The following LGR6 variants were observed in gnomAD, a reference collection of about 807,000 sequenced individuals.
The protein encoded by LGR6 is leucine rich repeat containing G protein-coupled receptor 6, also known as leucine-rich repeat-containing G protein-coupled receptor 6.
LGR6 carries 45 observed loss-of-function variants against 69.4 expected under a neutral mutation model. The observed-to-expected ratio is 0.65, with a 90% CI of 0.51 to 0.83. The LOEUF (loss-of-function observed/expected upper bound fraction) is 0.83, where lower values mean the gene tolerates loss of function less well. Among genes scored for constraint, LGR6 ranks in the 40% least tolerant of loss-of-function variants. The pLI is 0.00. For missense variants in LGR6, 1,108 were observed against 1,246.7 expected, an observed-to-expected ratio of 0.89 and a Z score of 1.68; for synonymous variants, 538 against 555.0, an observed-to-expected ratio of 0.97 and a Z score of 0.43.
At chr1:202,252,786 T>C (rs1663379004) in intron 4 of LGR6, among the ~76,000 whole-genome samples, 1 of 152,234 alleles carries the variant, frequency 6.6e-6, no homozygotes, top group African/African-American at 2.4e-5. Context: ...ATGGGTATGC[T>C]TCCTGTCTCC....
At chr1:202,294,681 G>C (rs1444396493) in intron 6 of LGR6, among the ~76,000 whole-genome samples, 2 of 152,204 alleles carry the variant, frequency 1.3e-5, no homozygotes, top group African/African-American at 4.8e-5. Flanking sequence ...CATGTGATTA[G>C]GGACCAAGTC....
Position 202,318,755 on chromosome 1 carries a change from CT to C in LGR6, c.2453del (p.Leu818ArgfsTer34), listed in dbSNP as rs1654383587. 1.9e-6 allele frequency: 3 copies of C among 1,613,306 alleles called. No homozygotes were observed. Among genetic ancestry groups the C allele is most frequent in the Admixed American group, 1.7e-5 (1 of 60,012 alleles). ...VKSVLLVVLP[L>X]PACLNPLLYL... ...GTCTGTCCTGCTGGTGGTGCTGCCC[CT>C]GCCTGCCTGCCTCAACCCACTGCTG... is the stretch of plus-strand genomic sequence containing the variant. On this transcript the variant is annotated frameshift_variant, in exon 18 of 18. Transcript: ENST00000367278. LOFTEE classifies it low-confidence loss of function (END_TRUNC).
chr1:202,221,821 T>C (rs968250868), intron 1 of LGR6, among the ~76,000 whole-genome samples: 1 of 152,218 alleles, frequency 6.6e-6, no homozygotes, highest in Non-Finnish European at 1.5e-5. Context: ...CACCCAAGGA[T>C]CAAGGTGTCC....
At chr1:202,197,616 TAA>T (rs35461426) in intron 1 of LGR6, among the ~76,000 whole-genome samples, 1 of 144,670 alleles carries the variant, frequency 6.9e-6, no homozygotes, top group Admixed American at 6.9e-5. Context: ...TCTTTCTTCT[TAA>T]AAAAAAAAAA....
At chr1:202,257,403 A>G (rs932049336) in intron 4 of LGR6, among the ~76,000 whole-genome samples, 13 of 152,168 alleles carry the variant, frequency 8.5e-5, no homozygotes, top group Admixed American at 6.5e-4. Context: ...ATATATGCCT[A>G]TGTTGTCTTA....
intron 17 of LGR6, among the ~76,000 whole-genome samples, chr1:202,315,205 C>T (rs1230047695): frequency 6.6e-6 from 1 of 152,180 alleles, no homozygotes; most frequent in Admixed American, 6.5e-5. Context: ...CAGGGTGGCA[C>T]GTGGGACTGC....
chr1:202,247,516 C>T (rs1399058003), intron 4 of LGR6, among the ~76,000 whole-genome samples: 1 of 152,112 alleles, frequency 6.6e-6, no homozygotes, highest in Non-Finnish European at 1.5e-5. Flanking sequence ...TTTTTGTACC[C>T]CCGCAGTCAC....
At chr1:202,201,033 C>T (rs2147890451) in intron 1 of LGR6, among the ~76,000 whole-genome samples, 1 of 152,300 alleles carries the variant, frequency 6.6e-6, no homozygotes, top group East Asian at 1.9e-4. Flanking sequence ...CCTCCAGAAA[C>T]CATCAGGGGA....
chr1:202,301,012 G>A, intron 8 of LGR6, 92 bp downstream of exon 8: 1 of 1,324,276 alleles, frequency 7.6e-7, no homozygotes, highest in South Asian at 1.3e-5. Context: ...TCCCTAGGAA[G>A]CACCAGGGAG....
In LGR6 at chr1:202,304,614, C is replaced by T; in HGVS notation, c.1054C>T (p.Pro352Ser). 6.2e-7 allele frequency: 1 copy of T among 1,610,462 alleles called. No individual in the cohort carries two copies. The highest frequency in any genetic ancestry group is 8.5e-7 in the Non-Finnish European group (1 of 1,177,238). ...CCCATCGGGGATGTGCCAACAGCTG[C>T]CCAGGCTCCGAGTCCTGTGAGTGCT... ...LLPSGMCQQL[P>S]RLRVLELSHN... Residue 352 changes from proline to serine, a missense_variant, in exon 11 of 18, where the codon CCC becomes TCC. Coordinates refer to ENST00000367278, the MANE Select transcript of LGR6 (RefSeq NM_001017403.2).
chr1:202,315,500 T>G (rs183715148), intron 17 of LGR6, among the ~76,000 whole-genome samples: 1 of 152,334 alleles, frequency 6.6e-6, no homozygotes, highest in Admixed American at 6.5e-5. Context: ...CAATTCAACT[T>G]GAGACATTTA....
At chr1:202,248,074 G>A (rs1449414067) in intron 4 of LGR6, among the ~76,000 whole-genome samples, 2 of 152,226 alleles carry the variant, frequency 1.3e-5, no homozygotes, top group Non-Finnish European at 2.9e-5. Context: ...GCCACTCGCT[G>A]GAGGGTGAAA....
chr1:202,197,446 T>G (rs772555822), intron 1 of LGR6: 1 of 533,434 alleles, frequency 1.9e-6, no homozygotes, highest in South Asian at 1.4e-5. Context: ...TCTTAAACTA[T>G]AGTCTCAGCG....
intron 1 of LGR6, among the ~76,000 whole-genome samples, chr1:202,217,746 C>G (rs985246396): frequency 6.6e-6 from 1 of 152,172 alleles, no homozygotes; most frequent in African/African-American, 2.4e-5. Flanking sequence ...ACAAGCCCTC[C>G]TGCCACTCCA....
intron 1 of LGR6, among the ~76,000 whole-genome samples, chr1:202,198,887 T>A (rs1658739106): frequency 6.6e-6 from 1 of 151,900 alleles, no homozygotes. Context: ...GGTGCCAACG[T>A]GCCAGGTCTC....
chr1:202,318,607 C>T lies in LGR6; in HGVS notation c.2304C>T (p.Asp768=). The T allele has an allele frequency of 6.2e-7, 1 of 1,614,016 alleles. No individual in the cohort carries two copies. The highest frequency in any genetic ancestry group is 1.1e-5 in the South Asian group (1 of 91,088). Residue 768 remains aspartate (D), a synonymous_variant, in exon 18 of 18, where the codon GAC becomes GAT. Coordinates refer to ENST00000367278, the MANE Select transcript of LGR6 (RefSeq NM_001017403.2). ...GGGGCGACTTTGAGGCCGTGTGGGA[C>T]TGCGCCATGGTGAGGCACGTGGCCT... ...LPRGDFEAVW[D]CAMVRHVAWL...
intron 14 of LGR6, among the ~76,000 whole-genome samples, 165 bp downstream of exon 14, chr1:202,307,566 G>A (rs1653344945): frequency 6.6e-6 from 1 of 152,170 alleles, no homozygotes; most frequent in African/African-American, 2.4e-5. Context: ...AGAGTGTGGG[G>A]CCTGATAAAC....
In LGR6 at chr1:202,253,376, C is replaced by G. The variant is rs553163651; in HGVS notation, c.428+17383C>G. On this transcript the variant is annotated intron_variant, in intron 4 of 17. Transcript: ENST00000367278. ...GGAGGGCAGTGGCGCGATCTCGGCT[C>G]ACTGCAATCTCCGCCTCCTGGGTTC... Among the ~76,000 whole-genome samples the G allele has an allele frequency of 5.3e-5, 8 of 151,950 alleles. No homozygotes were observed. In the South Asian group the frequency reaches 1.7e-3, roughly 32 times the overall value.
intron 1 of LGR6, among the ~76,000 whole-genome samples, chr1:202,203,107 A>G (rs947664526): frequency 6.6e-6 from 1 of 152,184 alleles, no homozygotes; most frequent in African/African-American, 2.4e-5. Context: ...GCTTCTTTGT[A>G]TAGGGGAATA....
Sources: allele counts gnomAD v4.1 joint callset (sites outside exome capture counted in the v4.1 genomes callset), GRCh38; gene constraint gnomAD v4.1.1; transcripts MANE v1.5; gene names NCBI Gene and HGNC (gene_info 2026-07-23, HGNC 2026-07-21).